ZNF277: variants seen among roughly 807,000 people sequenced by gnomAD.
ZNF277 encodes nuclear receptor-interacting factor 4.
A neutral mutation model predicts 60.7 loss-of-function variants in ZNF277; 55 were observed. The ratio of observed to expected loss-of-function variants is 0.91; its 90% confidence interval spans 0.73 to 1.13. The LOEUF (loss-of-function observed/expected upper bound fraction) is 1.13, where lower values mean the gene tolerates loss of function less well. ZNF277 is among the 50% of genes most tolerant of loss of function. The probability of loss-of-function intolerance (pLI) is 0.00; values close to 1 mark genes in which losing one functional copy is unlikely to be tolerated. For synonymous variants in ZNF277, 178 were observed against 179.3 expected, an observed-to-expected ratio of 0.99 and a Z score of 0.06; for missense variants, 510 against 523.0, an observed-to-expected ratio of 0.98 and a Z score of 0.24.
At chr7:112,237,484 G>C (rs186653519) in intron 1 of ZNF277, among the ~76,000 whole-genome samples, 87 of 152,036 alleles carry the variant, frequency 5.7e-4, no homozygotes, top group Admixed American at 1.6e-3. Flanking sequence ...ACCAAGAAGA[G>C]AGAAATTCAA....
chr7:112,296,912 ATTTTTTTTTTTTTT>A (rs1170078999), intron 4 of ZNF277, among the ~76,000 whole-genome samples: 5 of 39,658 alleles, frequency 1.3e-4, no homozygotes, highest in African/African-American at 2.8e-4. Context: ...TTATTTATTT[ATTTTTTTTTTTTTT>A]TTTTTTTTTT....
chr7:112,286,217 C>T (rs146228447), intron 1 of ZNF277, among the ~76,000 whole-genome samples: 3 of 152,258 alleles, frequency 2.0e-5, no homozygotes, highest in African/African-American at 7.2e-5. Context: ...GTCTAGTGAT[C>T]GAGCAGTCAT....
chr7:112,296,459 C>CA (rs11393136), intron 4 of ZNF277, 148 bp downstream of exon 4: 11,823 of 396,712 alleles, frequency 0.03, 721 homozygotes, highest in African/African-American at 0.18. Flanking sequence ...GGTCTTAAAA[C>CA]AAAAAAAAAG....
intron 1 of ZNF277, among the ~76,000 whole-genome samples, chr7:112,283,937 C>G (rs189956735): frequency 4.4e-4 from 67 of 152,244 alleles, no homozygotes; most frequent in African/African-American, 1.5e-3. Flanking sequence ...ATATATATAA[C>G]TTCACAGCAC....
intron 1 of ZNF277, among the ~76,000 whole-genome samples, chr7:112,259,635 AAAAG>A (rs34394245): frequency 2.6e-4 from 39 of 152,124 alleles, no homozygotes; most frequent in East Asian, 3.8e-4. Flanking sequence ...GACTTATTTA[AAAAG>A]AAAGAAAGAA....
intron 7 of ZNF277, among the ~76,000 whole-genome samples, chr7:112,331,130 T>A (rs569465662): frequency 1.5e-3 from 233 of 152,276 alleles, no homozygotes; most frequent in South Asian, 0.015. Context: ...CAGGTTACCA[T>A]GCCAAGCATT....
At chr7:112,241,441 A>G (rs1790952601) in intron 1 of ZNF277, among the ~76,000 whole-genome samples, 2 of 152,182 alleles carry the variant, frequency 1.3e-5, no homozygotes, top group Admixed American at 1.3e-4. Flanking sequence ...TATGGAAAAC[A>G]GTTTGGAGGT....
intron 1 of ZNF277, among the ~76,000 whole-genome samples, chr7:112,248,611 G>C (rs765619702): frequency 1.3e-4 from 20 of 152,014 alleles, no homozygotes; most frequent in Admixed American, 4.6e-4. Flanking sequence ...GATAATCACT[G>C]TTAATCTTTT....
At chr7:112,272,873 G>T (rs1391706659) in intron 1 of ZNF277, among the ~76,000 whole-genome samples, 1 of 152,202 alleles carries the variant, frequency 6.6e-6, no homozygotes, top group African/African-American at 2.4e-5. Context: ...AACAGTATAT[G>T]AGGATTCCCT....
At chr7:112,251,302 G>A (rs1438595514) in intron 1 of ZNF277, among the ~76,000 whole-genome samples, 1 of 152,210 alleles carries the variant, frequency 6.6e-6, no homozygotes, top group Admixed American at 6.5e-5. Flanking sequence ...AGTTGGCACA[G>A]ATGGCACACT....
At chr7:112,294,472 C>G (rs1041680087) in intron 2 of ZNF277, among the ~76,000 whole-genome samples, 3 of 152,130 alleles carry the variant, frequency 2.0e-5, no homozygotes, top group African/African-American at 7.2e-5. Context: ...TCAATGGGAG[C>G]TTAAGATTGC....
At chr7:112,263,641 C>T (rs1791483046) in intron 1 of ZNF277, among the ~76,000 whole-genome samples, 1 of 152,174 alleles carries the variant, frequency 6.6e-6, no homozygotes, top group Non-Finnish European at 1.5e-5. Flanking sequence ...TTATACAGTA[C>T]ATGCTGTTCA....
At position 112,295,731 on chromosome 7, in the gene ZNF277, A is replaced by C. The variant is rs540290111; in HGVS notation, c.294-138A>C. The C allele has an allele frequency of 4.4e-5, 27 of 611,248 alleles. No homozygotes were observed. The East Asian group carries it at 7.4e-4, about 17-fold the overall frequency. The allele number at this position is 611,248 out of a possible 1,614,324, so 37.9% of individuals were successfully genotyped here. A position where few individuals can be genotyped will look rare whatever the true frequency, so the allele number is the denominator to read the frequency against. ...CTCCACTGCCTTTGTATTCACAAAA[A>C]ACTGCTAGAAAAGCAGTTTTAAGTT... On this transcript the variant is annotated intron_variant, in intron 2 of 11. Transcript: ENST00000361822.
intron 1 of ZNF277, among the ~76,000 whole-genome samples, chr7:112,220,737 G>A (rs1822004956): frequency 6.6e-6 from 1 of 152,128 alleles, no homozygotes; most frequent in African/African-American, 2.4e-5. Flanking sequence ...TAAACATGGG[G>A]CTTGCAACTT....
At chr7:112,314,744 C>T (rs1177522145) in intron 4 of ZNF277, among the ~76,000 whole-genome samples, 2 of 152,024 alleles carry the variant, frequency 1.3e-5, no homozygotes, top group African/African-American at 4.8e-5. Context: ...TGCAGTGATC[C>T]GTGATCATGC....
intron 4 of ZNF277, among the ~76,000 whole-genome samples, chr7:112,304,576 T>C (rs1336581324): frequency 6.6e-6 from 1 of 152,206 alleles, no homozygotes; most frequent in African/African-American, 2.4e-5. Context: ...CTTTTAATCC[T>C]TAAGTTAGTG....
In ZNF277 at chr7:112,318,178, C is replaced by G. The variant is rs1278700512; in HGVS notation, c.466-4C>G. On this transcript the variant is annotated splice_polypyrimidine_tract_variant and splice_region_variant and intron_variant, in intron 4 of 11. Transcript: ENST00000361822. ...AATACCATAAATCTGTTTCTACTTT[C>G]CAGAGAGAAATTCTGGAACAACAGC... 1.2e-6 allele frequency: 2 copies of G among 1,610,238 alleles called. No homozygotes were observed. Among genetic ancestry groups the G allele is most frequent in the Non-Finnish European group, 1.7e-6 (2 of 1,176,672 alleles).
intron 1 of ZNF277, among the ~76,000 whole-genome samples, chr7:112,271,082 G>C (rs1791658412): frequency 6.6e-6 from 1 of 152,056 alleles, no homozygotes; most frequent in Admixed American, 6.6e-5. Flanking sequence ...TTTCAGTAAA[G>C]TTCCATTTAG....
Position 112,336,150 on chromosome 7 carries a change from A to C in ZNF277, c.848A>C (p.Glu283Ala), listed in dbSNP as rs1424275780. The C allele has an allele frequency of 1.2e-6, 2 of 1,611,208 alleles. No individual in the cohort carries two copies. The highest frequency in any genetic ancestry group is 1.7e-6 in the Non-Finnish European group (2 of 1,178,454). Residue 283 changes from glutamate to alanine, a missense_variant, in exon 8 of 12, where the codon GAG becomes GCG. Coordinates refer to ENST00000361822, the MANE Select transcript of ZNF277 (RefSeq NM_021994.3). ...WEEVQLEDDRELLDHQEDDWS... is the reference protein window; with the variant it reads ...WEEVQLEDDRALLDHQEDDWS... ...GAAGTTCAGTTGGAAGATGATCGGG[A>C]GTTGCTGGACCATCAGGAAGAGTAA... is the stretch of plus-strand genomic sequence containing the variant.
Sources: gnomAD v4.1 joint callset for allele counts (sites outside exome capture counted in the v4.1 genomes callset) on GRCh38, gnomAD v4.1.1 for gene constraint, MANE v1.5 for transcripts, NCBI Gene and HGNC (gene_info 2026-07-23, HGNC 2026-07-21) for gene names.